CENPE: variants seen among roughly 807,000 people sequenced by gnomAD.
CENPE encodes the protein centromere-associated protein E.
A neutral mutation model predicts 336.1 loss-of-function variants in CENPE; 145 were observed. That is an observed-to-expected ratio of 0.43 (90% CI 0.38 to 0.50). The LOEUF is 0.50. Among genes scored for constraint, CENPE ranks in the 20% least tolerant of loss-of-function variants. The pLI, the probability that CENPE is intolerant of heterozygous loss-of-function variation, is 0.00. For synonymous variants in CENPE, 1,013 were observed against 984.8 expected, an observed-to-expected ratio of 1.03 and a Z score of -0.54; for missense variants, 2,719 against 3,023.3, an observed-to-expected ratio of 0.90 and a Z score of 2.36.
Position 103,158,453 on chromosome 4 carries a change from T to A in CENPE, c.2880A>T (p.Ile960=), listed in dbSNP as rs771107150. Residue 960 remains isoleucine (I), a synonymous_variant, in exon 24 of 49, where the codon ATA becomes ATT. Coordinates refer to ENST00000265148, the MANE Select transcript of CENPE (RefSeq NM_001813.3). ...CATTTCGTAATTGTTCTTGAGTATC[T>A]ATATTCTTTGTTAGAAAAATATAAA... is the stretch of plus-strand genomic sequence containing the variant. ...SDIHDTVNMN[I]DTQEQLRNAL... 1.1e-5 allele frequency: 17 copies of A among 1,553,688 alleles called. No homozygotes were observed. The highest frequency in any genetic ancestry group is 6.3e-5 in the Admixed American group (3 of 47,822).
chr4:103,158,495 A>G, intron 23 of CENPE, 37 bp from the exon 24 acceptor site: 1 of 1,512,664 alleles, frequency 6.6e-7, no homozygotes, highest in African/African-American at 1.4e-5. Context: ...TTCCATTAGA[A>G]TATGAAACAA....
intron 35 of CENPE, among the ~76,000 whole-genome samples, chr4:103,141,466 T>G (rs1179204089): frequency 6.6e-6 from 1 of 152,224 alleles, no homozygotes; most frequent in African/African-American, 2.4e-5. Flanking sequence ...TCACAATGTA[T>G]GTATCCATTT....
At chr4:103,160,381 T>C (rs1394963532) in intron 21 of CENPE, among the ~76,000 whole-genome samples, 1 of 151,986 alleles carries the variant, frequency 6.6e-6, no homozygotes, top group Non-Finnish European at 1.5e-5. Flanking sequence ...AAATGGCTGC[T>C]ACATGGATTA....
intron 42 of CENPE, among the ~76,000 whole-genome samples, chr4:103,127,115 A>AAC (rs1751186502): frequency 6.9e-6 from 1 of 144,004 alleles, no homozygotes; most frequent in Non-Finnish European, 1.5e-5. Flanking sequence ...AAAAAAAACC[A>AAC]AAAAAACCCC....
In CENPE at chr4:103,149,217, T is replaced by C. The variant is rs1483966252; in HGVS notation, c.3588A>G (p.Lys1196=). ...GAACTTTTCTTTCTTTGGTTATAGA[T>C]TTCACTTCCTCATAATTTTCATTAA... ...QKLNENYEEV[K]SITKERKVLK... is the part of the protein sequence containing the mutation. The change falls in exon 27 of 49, where the codon AAA becomes AAG. Residue 1196 remains lysine (K), a synonymous_variant. Transcript: ENST00000265148. The C allele has an allele frequency of 1.2e-6, 2 of 1,612,764 alleles. No homozygotes were observed. The highest frequency in any genetic ancestry group is 1.7e-6 in the Non-Finnish European group (2 of 1,179,756).
intron 16 of CENPE, among the ~76,000 whole-genome samples, chr4:103,164,621 A>G (rs1415043516): frequency 6.6e-6 from 1 of 152,138 alleles, no homozygotes; most frequent in Admixed American, 6.5e-5. Context: ...TAATATATCA[A>G]AAATATTTCT....
intron 45 of CENPE, 144 bp from the exon 46 acceptor site, chr4:103,114,696 C>A: frequency 1.6e-6 from 1 of 614,810 alleles, no homozygotes; most frequent in Admixed American, 2.8e-5. Context: ...CGTGATACCT[C>A]TCTGGTGCCA....
rs17033437 is a variant in CENPE at position 103,145,191 on chromosome 4, G to A, written c.4716C>T (p.Leu1572=). 5.4e-3 allele frequency: 8,750 copies of A among 1,613,336 alleles called. 326 individuals carry two copies. The African/African-American group carries it at 0.092, about 17-fold the overall frequency. ...SALQSIESKM[L]ELTNRLQESQ... Reference sequence around the variant, plus strand: ...TTTCTTGAAGTCTGTTGGTCAACTCGAGCATCTTACTTTCTATACTTTGTA... The same window carrying A: ...TTTCTTGAAGTCTGTTGGTCAACTCAAGCATCTTACTTTCTATACTTTGTA... The change falls in exon 32 of 49, where the codon CTC becomes CTT. Residue 1572 remains leucine (L), a synonymous_variant. Transcript: ENST00000265148.
In CENPE at chr4:103,158,444, TTGAG is replaced by T; in HGVS notation, c.2885_2888del (p.Thr962LysfsTer11). ...ACTCAAGAGCATTTCGTAATTGTTCTTGAGTATCTATATTCTTTGTTAGAAAAAT... is the reference window on the plus strand; with the variant it reads ...ACTCAAGAGCATTTCGTAATTGTTCTTATCTATATTCTTTGTTAGAAAAAT... On this transcript the variant is annotated frameshift_variant, in exon 24 of 49. Coordinates refer to ENST00000265148, the MANE Select transcript of CENPE (RefSeq NM_001813.3). LOFTEE classifies it high-confidence loss of function. 6.3e-7 allele frequency: 1 copy of T among 1,580,752 alleles called. No individual in the cohort carries two copies. Among genetic ancestry groups the T allele is most frequent in the Non-Finnish European group, 8.6e-7 (1 of 1,165,806 alleles).
In CENPE at chr4:103,138,388, A is replaced by T; in HGVS notation, c.6266T>A (p.Leu2089His). Residue 2089 changes from leucine (L) to histidine (H), a missense_variant, in exon 39 of 49, where the codon CTT (leucine) becomes CAT (histidine). By Grantham distance (99) the Leu-to-His change is moderately conservative. Transcript: ENST00000265148. The part of the protein sequence containing the change: ...KRLLSDGQQH[L>H]TESLREKCSR... Reference sequence around the variant, plus strand: ...GCACTTTTCTCTCAGGCTTTCCGTAAGGTGCTGTTGTCCATCACTTAGTAA... The same window carrying T: ...GCACTTTTCTCTCAGGCTTTCCGTATGGTGCTGTTGTCCATCACTTAGTAA... 2 of 1,613,574 alleles carry T rather than the reference A, an allele frequency of 1.2e-6. No homozygotes were observed. The highest frequency in any genetic ancestry group is 1.7e-6 in the Non-Finnish European group (2 of 1,179,544).
Position 103,160,717 on chromosome 4 carries a change from C to T in CENPE, c.2194G>A (p.Glu732Lys), listed in dbSNP as rs1754372894. ...CGCAAAGCTTCATTTTCTTCAACTT[C>T]TTTATTTAGTTCTTTCTGAAGATCA... ...ITDLQKELNK[E>K]VEENEALREE... Residue 732 changes from glutamate to lysine, a missense_variant, in exon 21 of 49, where the codon GAA (glutamate) becomes AAA (lysine). This residue lies in a region of CENPE where 2,437 missense variants were observed against 2,513.3 expected (regional missense o/e 0.97). Transcript: ENST00000265148. 1.2e-6 allele frequency: 2 copies of T among 1,609,840 alleles called. No homozygotes were observed. The highest frequency in any genetic ancestry group is 1.3e-5 in the African/African-American group (1 of 74,814).
intron 44 of CENPE, among the ~76,000 whole-genome samples, chr4:103,118,222 A>AC (rs1348732223): frequency 6.6e-6 from 1 of 152,110 alleles, no homozygotes; most frequent in Non-Finnish European, 1.5e-5. Flanking sequence ...TGCTCCACAC[A>AC]CCAGCATTTG....
At position 103,139,990 on chromosome 4, in the gene CENPE, C is replaced by T. The variant is rs1432202755; in HGVS notation, c.6003G>A (p.Gln2001=). The change falls in exon 38 of 49, where the codon CAG becomes CAA. Residue 2001 remains glutamine (Q), a synonymous_variant. Transcript: ENST00000265148. ...TTTGGGCCTCAAATTGCTTCTTCAA[C>T]TGTTCCATTTCATTAATTTTTTTAT... ...MSHKKINEME[Q]LKKQFEAQNL... 2 of 1,613,002 alleles carry T rather than the reference C, an allele frequency of 1.2e-6. No homozygotes were observed. The highest frequency in any genetic ancestry group is 1.1e-5 in the South Asian group (1 of 91,052).
At chr4:103,186,221 T>C (rs1315790156) in intron 8 of CENPE, among the ~76,000 whole-genome samples, 1 of 152,186 alleles carries the variant, frequency 6.6e-6, no homozygotes. Flanking sequence ...AAACACCCCA[T>C]GTACTTCTAC....
chr4:103,142,760 A>G (rs987605997), intron 34 of CENPE, among the ~76,000 whole-genome samples: 1 of 152,156 alleles, frequency 6.6e-6, no homozygotes, highest in Admixed American at 6.5e-5. Flanking sequence ...CTGTAATCCC[A>G]GCACTTTGGG....
chr4:103,196,906 G>A (rs1757784826), intron 1 of CENPE, 56 bp from the exon 2 acceptor site: 2 of 816,758 alleles, frequency 2.4e-6, no homozygotes, highest in Admixed American at 2.2e-5. Context: ...GTCATAGGAG[G>A]AATAATTGAA....
chr4:103,106,422 G>A (rs2125821648), intron 48 of CENPE, 106 bp from the exon 49 acceptor site: 1 of 723,388 alleles, frequency 1.4e-6, no homozygotes. Flanking sequence ...TGTGAAGAAT[G>A]AAAAATGGCA....
intron 44 of CENPE, among the ~76,000 whole-genome samples, chr4:103,118,460 A>G (rs1396984356): frequency 6.6e-6 from 1 of 152,168 alleles, no homozygotes; most frequent in Admixed American, 6.5e-5. Flanking sequence ...TCTTTTATAT[A>G]CAGTTTCTGC....
At chr4:103,106,415 G>T in intron 48 of CENPE, 99 bp from the exon 49 acceptor site, 1 of 821,450 alleles carries the variant, frequency 1.2e-6, no homozygotes, top group Non-Finnish European at 1.9e-6. Flanking sequence ...GGAGAGATGT[G>T]AAGAATGAAA....
Sources: gnomAD v4.1 joint callset for allele counts (sites outside exome capture counted in the v4.1 genomes callset) on GRCh38, gnomAD v4.1.1 for gene constraint, gnomAD v4.1.1 regional missense constraint, MANE v1.5 for transcripts, NCBI Gene and HGNC (gene_info 2026-07-23, HGNC 2026-07-21) for gene names.